Variants in MAN2B2 observed in about 807,000 individuals in gnomAD.
MAN2B2 encodes mannosidase alpha class 2B member 2, also known as epididymis-specific alpha-mannosidase.
A neutral mutation model predicts 117.1 loss-of-function variants in MAN2B2; 106 were observed. The ratio of observed to expected loss-of-function variants is 0.90; its 90% CI spans 0.77 to 1.06. The LOEUF (loss-of-function observed/expected upper bound fraction) is 1.06, where lower values mean the gene tolerates loss of function less well. MAN2B2 is among the 50% of genes least tolerant of loss of function. MAN2B2 has a pLI of 0.00. For missense variants in MAN2B2, 1,326 were observed against 1,381.4 expected, an observed-to-expected ratio of 0.96 and a Z score of 0.64; for synonymous variants, 544 against 595.1, an observed-to-expected ratio of 0.91 and a Z score of 1.25.
chr4:6,601,500 C>CA (rs1172595578), intron 10 of MAN2B2, among the ~76,000 whole-genome samples: 11,593 of 101,412 alleles, frequency 0.11, 1,245 homozygotes, highest in African/African-American at 0.3. Context: ...GACTCCATCT[C>CA]AAAAAAAAAA....
At chr4:6,590,047 A>G (rs989985905) in intron 5 of MAN2B2, among the ~76,000 whole-genome samples, 4 of 151,616 alleles carry the variant, frequency 2.6e-5, no homozygotes, top group African/African-American at 9.7e-5. Context: ...AGCCTGGGCA[A>G]CAGAGTGAGA....
At chr4:6,579,283 T>TCACCATCACCAC (rs1560634967) in intron 3 of MAN2B2, among the ~76,000 whole-genome samples, 1 of 9,508 alleles carries the variant, frequency 1.1e-4, no homozygotes, top group Non-Finnish European at 2.1e-4. Context: ...ACCACCACCA[T>TCACCATCACCAC]CACCATCACC....
rs1248840933 is a variant in MAN2B2 at position 6,610,016 on chromosome 4, C to T, written c.2225C>T (p.Pro742Leu). 1 of 1,614,028 alleles carries T rather than the reference C, an allele frequency of 6.2e-7. No individual in the cohort carries two copies. The highest frequency in any genetic ancestry group is 8.5e-7 in the Non-Finnish European group (1 of 1,180,020). The change falls in exon 13 of 19, where the codon CCC (proline) becomes CTC (leucine). Residue 742 changes from proline (P) to leucine (L), a missense_variant. By Grantham distance (98) the Pro-to-Leu change is moderately conservative. Transcript: ENST00000285599. ...DNNGYQMQRR[P>L]YVSYVNNSIA... Reference sequence around the variant, plus strand: ...AACGGCTACCAGATGCAGCGGAGGCCCTACGTTTCCTATGTGAACAACAGC... The same window carrying T: ...AACGGCTACCAGATGCAGCGGAGGCTCTACGTTTCCTATGTGAACAACAGC...
intron 12 of MAN2B2, 191 bp from the exon 13 acceptor site, chr4:6,609,607 G>T (rs1040744702): frequency 1.4e-6 from 1 of 696,970 alleles, no homozygotes; most frequent in Non-Finnish European, 2.4e-6. Context: ...GCCCTGCGGT[G>T]TCGGGGAACC....
chr4:6,619,795 C>G, intron 17 of MAN2B2, 132 bp from the exon 18 acceptor site: 1 of 719,404 alleles, frequency 1.4e-6, no homozygotes, highest in Non-Finnish European at 2.4e-6. Context: ...GGAGCTGTGT[C>G]AGGCACCAGG....
At position 6,605,898 on chromosome 4, in the gene MAN2B2, C is replaced by T. The variant is rs534478106; in HGVS notation, c.1814+569C>T. Among the ~76,000 whole-genome samples, 5 of 144,878 alleles carry T rather than the reference C, an allele frequency of 3.5e-5. No individual in the cohort carries two copies. In the East Asian group the frequency reaches 8.6e-4, roughly 25 times the overall value. On this transcript the variant is annotated intron_variant, in intron 11 of 18. Transcript: ENST00000285599. ...ACCTACCCATTCATCCATCCATCCA[C>T]TCACCCAACCACCCATTCATTCATT...
intron 10 of MAN2B2, among the ~76,000 whole-genome samples, chr4:6,602,062 G>A (rs1034952705): frequency 6.6e-6 from 1 of 152,188 alleles, no homozygotes; most frequent in Admixed American, 6.5e-5. Flanking sequence ...TCATGCACTC[G>A]GAGGCCTGCT....
chr4:6,614,330 G>C lies in MAN2B2; in HGVS notation c.2676G>C (p.Thr892=). 4.3e-6 allele frequency: 7 copies of C among 1,614,042 alleles called. No homozygotes were observed. The highest frequency in any genetic ancestry group is 5.9e-6 in the Non-Finnish European group (7 of 1,179,980). Residue 892 remains threonine (T), a synonymous_variant, in exon 16 of 19, where the codon ACG becomes ACC. Coordinates refer to ENST00000285599, the MANE Select transcript of MAN2B2 (RefSeq NM_015274.3). ...IPGWRYSSNH[T]EHSQNLRKGH... ...GCTGGCGCTACAGCTCCAACCACACGGAGCACTCTCAGAATCTCCGGAAAG... is the reference window on the plus strand; with the variant it reads ...GCTGGCGCTACAGCTCCAACCACACCGAGCACTCTCAGAATCTCCGGAAAG...
intron 3 of MAN2B2, among the ~76,000 whole-genome samples, chr4:6,586,053 G>GTTTTTT (rs759999292): frequency 2.8e-5 from 4 of 143,926 alleles, no homozygotes; most frequent in African/African-American, 1.0e-4. Flanking sequence ...TTTTCTTGTG[G>GTTTTTT]TTTTTTTTTT....
Position 6,576,781 on chromosome 4 carries a change from G to A in MAN2B2, c.285+57G>A, listed in dbSNP as rs191202023. ...CAGTATCCTGGCAAAGACCCAGGTG[G>A]AAAACTCAATGGGGCAGTTCTAGCC... On this transcript the variant is annotated intron_variant, in intron 2 of 18. Coordinates refer to ENST00000285599, the MANE Select transcript of MAN2B2 (RefSeq NM_015274.3). The A allele has an allele frequency of 7.5e-6, 12 of 1,600,776 alleles. No homozygotes were observed. The African/African-American group carries it at 1.3e-4, about 18-fold the overall frequency.
chr4:6,597,867 C>A (rs1727165808), intron 8 of MAN2B2, among the ~76,000 whole-genome samples: 1 of 152,240 alleles, frequency 6.6e-6, no homozygotes, highest in African/African-American at 2.4e-5. Context: ...AAGGGTCACA[C>A]CAGCCATGAC....
rs1380203504 is a variant in MAN2B2, at chr4:6,598,302, C to T, written c.1353C>T (p.Ala451=). ...SGMLGMRKLM[A]SIVLDELQPQ... is the part of the protein sequence containing the mutation. ...TGCTGGGCATGCGCAAGCTGATGGC[C>T]TCCATCGTCCTAGATGAGCTCCAGC... The change falls in exon 9 of 19, where the codon GCC becomes GCT. Residue 451 remains alanine (A), a synonymous_variant. Transcript: ENST00000285599. The T allele has an allele frequency of 6.2e-7, 1 of 1,613,576 alleles. No individual in the cohort carries two copies. The highest frequency in any genetic ancestry group is 8.5e-7 in the Non-Finnish European group (1 of 1,180,034).
At position 6,621,589 on chromosome 4, in the gene MAN2B2, T is replaced by G; in HGVS notation, c.*304T>G. ...ATTCACAAAACACAAACCCAGGACTTTCTGCCTAAGGCAGAGCACAAGACT... is the reference window on the plus strand; with the variant it reads ...ATTCACAAAACACAAACCCAGGACTGTCTGCCTAAGGCAGAGCACAAGACT... On this transcript the variant is annotated 3_prime_UTR_variant, in exon 19 of 19. Coordinates refer to ENST00000285599, the MANE Select transcript of MAN2B2 (RefSeq NM_015274.3). 7.3e-6 allele frequency: 2 copies of G among 275,258 alleles called. No homozygotes were observed. Among genetic ancestry groups the G allele is most frequent in the Admixed American group, 5.2e-5 (1 of 19,130 alleles). 17.1% of individuals were successfully genotyped at this position (275,258 alleles called of 1,614,324 possible).
chr4:6,575,447 C>A, intron 1 of MAN2B2, 99 bp downstream of exon 1: 1 of 927,210 alleles, frequency 1.1e-6, no homozygotes, highest in Non-Finnish European at 1.5e-6. Flanking sequence ...GATGCCGGCG[C>A]AGAAGGAGGC....
intron 2 of MAN2B2, among the ~76,000 whole-genome samples, chr4:6,577,420 CAGGGACGCCA>C (rs781157676): frequency 6.6e-6 from 1 of 152,194 alleles, no homozygotes; most frequent in Non-Finnish European, 1.5e-5. Context: ...ACATAAAGTT[CAGGGACGCCA>C]AGTGACTTGC....
rs537758338 is a variant in MAN2B2, at chr4:6,608,321, T to A, written c.1815-786T>A. ...GAACCCTCCACAGCCTGCCTCCCTT[T>A]CCTTCCCCACCCTCACCACAATCCC... On this transcript the variant is annotated intron_variant, in intron 11 of 18. Transcript: ENST00000285599. 3.3e-5 allele frequency among the ~76,000 whole-genome samples: 5 copies of A among 152,260 alleles called. No individual in the cohort carries two copies. In the East Asian group the frequency reaches 9.7e-4, roughly 29 times the overall value.
intron 3 of MAN2B2, among the ~76,000 whole-genome samples, chr4:6,582,121 G>A (rs1476845667): frequency 2.0e-5 from 3 of 152,096 alleles, no homozygotes; most frequent in Non-Finnish European, 4.4e-5. Context: ...GGTGCTGAGA[G>A]GCAAAGGGTC....
Position 6,609,873 on chromosome 4 carries a change from G to C in MAN2B2, c.2082G>C (p.Glu694Asp). The change falls in exon 13 of 19, where the codon GAG becomes GAC. Residue 694 changes from glutamate (E) to aspartate (D), a missense_variant. By Grantham distance (45) the Glu-to-Asp change is conservative. Transcript: ENST00000285599. Reference sequence around the variant, plus strand: ...ATGTGCCGCAGGGCCATGACGGGGAGCTGCTCTGCCACCGGATAGAGCAGG... The same window carrying C: ...ATGTGCCGCAGGGCCATGACGGGGACCTGCTCTGCCACCGGATAGAGCAGG... ...LTHVPQGHDG[E>D]LLCHRIEQEY... 1 of 1,614,162 alleles carries C rather than the reference G, an allele frequency of 6.2e-7. No individual in the cohort carries two copies.
intron 5 of MAN2B2, among the ~76,000 whole-genome samples, chr4:6,592,353 T>C (rs1309338522): frequency 1.3e-5 from 2 of 152,186 alleles, no homozygotes; most frequent in Admixed American, 6.5e-5. Context: ...TGCTGGTGGC[T>C]GATGACTGTG....
Sources: gnomAD v4.1 joint callset for allele counts (sites outside exome capture counted in the v4.1 genomes callset) on GRCh38, gnomAD v4.1.1 for gene constraint, MANE v1.5 for transcripts, NCBI Gene and HGNC (gene_info 2026-07-23, HGNC 2026-07-21) for gene names.